Variants in THUMPD3 observed in about 807,000 individuals in gnomAD.
THUMPD3 encodes the protein THUMP domain 3 tRNA guanosine methyltransferase, also known as tRNA (guanine(6)-N(2))-methyltransferase THUMP3.
THUMPD3 carries 44 observed loss-of-function variants against 54.5 expected under a neutral mutation model. The ratio of observed to expected loss-of-function variants is 0.81; its 90% CI spans 0.63 to 1.04. The LOEUF is 1.04. Ranked by LOEUF, THUMPD3 falls within the 50% of genes least tolerant of loss-of-function variation. THUMPD3 has a pLI of 0.00. For missense variants in THUMPD3, 604 were observed against 601.3 expected (o/e 1.00, Z -0.05); for synonymous variants, 196 against 201.4 (o/e 0.97, Z 0.23).
chr3:9,371,490 A>C lies in THUMPD3; in HGVS notation c.761A>C (p.Gln254Pro). The C allele has an allele frequency of 6.2e-7, 1 of 1,614,056 alleles. No individual in the cohort carries two copies. Among genetic ancestry groups the C allele is most frequent in the Non-Finnish European group, 8.5e-7 (1 of 1,179,964 alleles). ...GCAAGAGATTTTGGGGGTGCTGTTC[A>C]AGATTATTTTAAGTGGAAGGCCGAC... ...EAARDFGGAV[Q>P]DYFKWKADMT... Residue 254 changes from glutamine (Q) to proline (P), a missense_variant, in exon 4 of 10, where the codon CAA (glutamine) becomes CCA (proline). Gln to Pro is a moderately conservative substitution (Grantham distance 76). Transcript: ENST00000452837.
intron 5 of THUMPD3, among the ~76,000 whole-genome samples, chr3:9,375,152 C>A (rs1388074606): frequency 2.0e-5 from 3 of 152,152 alleles, no homozygotes; most frequent in Non-Finnish European, 2.9e-5. Context: ...CCACCGCGCC[C>A]GGTTTTCTTG....
intron 3 of THUMPD3, 107 bp from the exon 4 acceptor site, chr3:9,370,953 G>A: frequency 2.1e-6 from 2 of 962,442 alleles, no homozygotes; most frequent in Non-Finnish European, 3.1e-6. Flanking sequence ...GGCGGTCCTG[G>A]AACCAGTGTC....
intron 3 of THUMPD3, among the ~76,000 whole-genome samples, chr3:9,369,593 A>G (rs1575059025): frequency 6.6e-6 from 1 of 152,126 alleles, no homozygotes; most frequent in Non-Finnish European, 1.5e-5. Context: ...TGTTCAACCT[A>G]TATGTTGGAG....
intron 7 of THUMPD3, among the ~76,000 whole-genome samples, chr3:9,381,442 G>T (rs2032884452): frequency 6.6e-6 from 1 of 152,158 alleles, no homozygotes; most frequent in African/African-American, 2.4e-5. Flanking sequence ...TTTGGGATGG[G>T]ACCTAAGAGT....
chr3:9,374,401 G>A (rs1230793484), intron 4 of THUMPD3, 115 bp from the exon 5 acceptor site: 1 of 1,290,416 alleles, frequency 7.7e-7, no homozygotes, highest in Non-Finnish European at 1.1e-6. Context: ...CCCAGGAGTA[G>A]GGGACCAACA....
At chr3:9,382,912 T>G (rs1275134559) in intron 7 of THUMPD3, 1 of 240,790 alleles carries the variant, frequency 4.2e-6, no homozygotes, top group Non-Finnish European at 8.3e-6. Context: ...AAAAGTATTT[T>G]AGAGACAAGG....
At chr3:9,368,043 C>T (rs1405583756) in intron 3 of THUMPD3, among the ~76,000 whole-genome samples, 2 of 151,138 alleles carry the variant, frequency 1.3e-5, no homozygotes, top group Non-Finnish European at 2.9e-5. Context: ...CCAGCCTGGG[C>T]GACAGAGCGA....
chr3:9,369,309 C>CAAAAAAAA (rs779602979), intron 3 of THUMPD3, among the ~76,000 whole-genome samples: 6 of 60,824 alleles, frequency 9.9e-5, no homozygotes, highest in Non-Finnish European at 1.1e-4. Context: ...GACTCCGTCT[C>CAAAAAAAA]AAAAAAAAAA....
chr3:9,364,537 G>A (rs1336814851), intron 1 of THUMPD3, among the ~76,000 whole-genome samples: 1 of 151,922 alleles, frequency 6.6e-6, no homozygotes, highest in Non-Finnish European at 1.5e-5. Context: ...AGTAGAGACG[G>A]GGTTTCACCA....
chr3:9,384,280 C>A lies in THUMPD3; in HGVS notation c.1304C>A (p.Thr435Lys). Residue 435 changes from threonine (T) to lysine (K), a missense_variant, in exon 9 of 10, where the codon ACA (threonine) becomes AAA (lysine). Coordinates refer to ENST00000452837, the MANE Select transcript of THUMPD3 (RefSeq NM_001114092.2). ...ACLREMSRVC[T>K]PTTGRAVLLT... ...CTACGGGAGATGAGCCGTGTCTGCA[C>A]ACCTACCACAGGCCGAGCTGTACTA... is the stretch of plus-strand genomic sequence containing the variant. 1 of 1,614,210 alleles carries A rather than the reference C, an allele frequency of 6.2e-7. No individual in the cohort carries two copies. Among genetic ancestry groups the A allele is most frequent in the Non-Finnish European group, 8.5e-7 (1 of 1,180,042 alleles).
chr3:9,380,372 G>T, intron 6 of THUMPD3, 131 bp from the exon 7 acceptor site: 3 of 618,714 alleles, frequency 4.8e-6, no homozygotes, highest in Non-Finnish European at 8.4e-6. Context: ...TTCAGCCAGG[G>T]AAATAGCACA....
chr3:9,382,038 C>G (rs973093329), intron 7 of THUMPD3, among the ~76,000 whole-genome samples: 19 of 151,908 alleles, frequency 1.3e-4, no homozygotes, highest in African/African-American at 4.4e-4. Context: ...CCACCTTGGC[C>G]TCCCAAAGTG....
rs1575093802 is a variant in THUMPD3, at chr3:9,386,405, A to G, written c.*1717A>G. 9.6e-5 allele frequency: 1 copy of G among 10,426 alleles called. No homozygotes were observed. Among genetic ancestry groups the G allele is most frequent in the East Asian group, 2.2e-3 (1 of 460 alleles). 0.6% of individuals were successfully genotyped at this position (10,426 alleles called of 1,614,324 possible). A position where few individuals can be genotyped will look rare whatever the true frequency, so the allele number is the denominator to read the frequency against. The stretch of plus-strand genomic sequence containing the variant: ...CCCACCCCCCACTCCACCCCCCACT[A>G]AGGGCAGGGTATTGTATCTGCCAGA... On this transcript the variant is annotated 3_prime_UTR_variant, in exon 10 of 10. Coordinates refer to ENST00000452837, the MANE Select transcript of THUMPD3 (RefSeq NM_001114092.2).
At chr3:9,374,383 G>A (rs1202581460) in intron 4 of THUMPD3, 133 bp from the exon 5 acceptor site, 1 of 1,030,182 alleles carries the variant, frequency 9.7e-7, no homozygotes, top group Non-Finnish European at 1.4e-6. Context: ...GCATCAATAT[G>A]GTGACCTCCC....
chr3:9,384,082 G>T, intron 8 of THUMPD3, 130 bp from the exon 9 acceptor site: 1 of 1,103,634 alleles, frequency 9.1e-7, no homozygotes. Flanking sequence ...ACATGTAATG[G>T]CAAAGGTCTG....
rs370858535 is a variant in THUMPD3, at chr3:9,384,271, G to C, written c.1295G>C (p.Arg432Pro). 2 of 1,614,140 alleles carry C rather than the reference G, an allele frequency of 1.2e-6. No individual in the cohort carries two copies. Among genetic ancestry groups the C allele is most frequent in the African/African-American group, 1.3e-5 (1 of 75,024 alleles). ...LYPACLREMS[R>P]VCTPTTGRAV... is the part of the protein sequence containing the mutation. ...CCAGCTTGCCTACGGGAGATGAGCC[G>C]TGTCTGCACACCTACCACAGGCCGA... The change falls in exon 9 of 10, where the codon CGT (arginine) becomes CCT (proline). Residue 432 changes from arginine (R) to proline (P), a missense_variant. Transcript: ENST00000452837.
intron 3 of THUMPD3, among the ~76,000 whole-genome samples, chr3:9,370,746 C>A (rs1204671580): frequency 6.6e-6 from 1 of 152,144 alleles, no homozygotes; most frequent in Non-Finnish European, 1.5e-5. Context: ...ATATCCAGCC[C>A]AGACTTTTTT....
intron 5 of THUMPD3, among the ~76,000 whole-genome samples, chr3:9,375,971 A>G (rs911751758): frequency 1.3e-5 from 2 of 152,228 alleles, no homozygotes; most frequent in Admixed American, 1.3e-4. Flanking sequence ...CTTCTCTTCC[A>G]ATCTTTTATC....
In THUMPD3 at chr3:9,384,724, A is replaced by C. The variant is rs1203561873; in HGVS notation, c.*36A>C. On this transcript the variant is annotated 3_prime_UTR_variant, in exon 10 of 10. Coordinates refer to ENST00000452837, the MANE Select transcript of THUMPD3 (RefSeq NM_001114092.2). ...TAGTACTTGTACTTCCCACCACTGG[A>C]AATGTTAGCATAAAAGAACTTGGAG... 7 of 1,610,090 alleles carry C rather than the reference A, an allele frequency of 4.3e-6. No individual in the cohort carries two copies. Among genetic ancestry groups the C allele is most frequent in the Non-Finnish European group, 5.9e-6 (7 of 1,177,256 alleles).
Sources: gnomAD v4.1 joint callset for allele counts (sites outside exome capture counted in the v4.1 genomes callset) on GRCh38, gnomAD v4.1.1 for gene constraint, MANE v1.5 for transcripts, NCBI Gene and HGNC (gene_info 2026-07-23, HGNC 2026-07-21) for gene names.